Variants in CSNK1G1 observed in about 807,000 individuals in gnomAD.
CSNK1G1 encodes casein kinase I isoform gamma-1.
A neutral mutation model predicts 59.6 loss-of-function variants in CSNK1G1; 22 were observed. That is an observed-to-expected ratio of 0.37 (90% CI 0.26 to 0.53). The LOEUF is 0.53. Among genes scored for constraint, CSNK1G1 ranks in the 20% least tolerant of loss-of-function variants. CSNK1G1 has a pLI of 0.89. For synonymous variants in CSNK1G1, 179 were observed against 177.1 expected (o/e 1.01, Z -0.08); for missense variants, 384 against 519.5 (o/e 0.74, Z 2.54).
intron 2 of CSNK1G1, among the ~76,000 whole-genome samples, chr15:64,270,567 G>A (rs1893237706): frequency 6.6e-6 from 1 of 151,992 alleles, no homozygotes; most frequent in Admixed American, 6.6e-5. Flanking sequence ...AGACCATCCT[G>A]GCCAACACAG....
At chr15:64,253,248 G>A (rs1892187671) in intron 3 of CSNK1G1, among the ~76,000 whole-genome samples, 1 of 152,150 alleles carries the variant, frequency 6.6e-6, no homozygotes, top group African/African-American at 2.4e-5. Context: ...AGGAGGATGA[G>A]GTGGGAGGAT....
chr15:64,335,043 T>G (rs1404043995), intron 1 of CSNK1G1, among the ~76,000 whole-genome samples: 1 of 152,232 alleles, frequency 6.6e-6, no homozygotes, highest in Non-Finnish European at 1.5e-5. Context: ...ATTGACTTAT[T>G]TTGCAAGTAC....
intron 4 of CSNK1G1, among the ~76,000 whole-genome samples, chr15:64,218,994 A>G (rs2082350024): frequency 6.6e-6 from 1 of 151,738 alleles, no homozygotes; most frequent in Non-Finnish European, 1.5e-5. Context: ...AGCTGGGATT[A>G]CAGGTGCACA....
intron 1 of CSNK1G1, among the ~76,000 whole-genome samples, chr15:64,354,728 G>A (rs1230505684): frequency 2.6e-5 from 4 of 152,048 alleles, no homozygotes; most frequent in African/African-American, 4.8e-5. Context: ...AGGTGGTTCC[G>A]TTTAAAATGG....
At chr15:64,273,595 A>G (rs968969077) in intron 2 of CSNK1G1, among the ~76,000 whole-genome samples, 1 of 152,172 alleles carries the variant, frequency 6.6e-6, no homozygotes, top group Non-Finnish European at 1.5e-5. Flanking sequence ...TTTGGATTAC[A>G]TGTAATGTGA....
At chr15:64,184,458 C>T (rs1024228401) in intron 10 of CSNK1G1, among the ~76,000 whole-genome samples, 1 of 151,960 alleles carries the variant, frequency 6.6e-6, no homozygotes, top group African/African-American at 2.4e-5. Context: ...AGGTGGATTG[C>T]CTGAGCTCAG....
At chr15:64,273,857 A>G (rs1391055394) in intron 2 of CSNK1G1, among the ~76,000 whole-genome samples, 1 of 152,270 alleles carries the variant, frequency 6.6e-6, no homozygotes, top group African/African-American at 2.4e-5. Context: ...CTTGGTCTAA[A>G]TGATGCTCTT....
intron 2 of CSNK1G1, among the ~76,000 whole-genome samples, chr15:64,294,276 G>A (rs1016010069): frequency 1.3e-5 from 2 of 152,012 alleles, no homozygotes; most frequent in African/African-American, 4.8e-5. Context: ...GTTTCACCAT[G>A]TTGGCCAGGC....
At chr15:64,181,717 T>C in intron 10 of CSNK1G1, 1 of 311,182 alleles carries the variant, frequency 3.2e-6, no homozygotes, top group South Asian at 5.0e-5. Flanking sequence ...ATCTCTAAAA[T>C]GGGAGAACAA....
chr15:64,175,803 T>A (rs563832976), intron 11 of CSNK1G1, among the ~76,000 whole-genome samples: 1 of 152,300 alleles, frequency 6.6e-6, no homozygotes, highest in Admixed American at 6.5e-5. Context: ...AAAGTCAGAT[T>A]TTCCCAAAGC....
At chr15:64,240,323 C>A (rs1364262922) in intron 4 of CSNK1G1, among the ~76,000 whole-genome samples, 1 of 151,914 alleles carries the variant, frequency 6.6e-6, no homozygotes, top group African/African-American at 2.4e-5. Flanking sequence ...AACAAACATG[C>A]ATATTATATG....
At position 64,200,199 on chromosome 15, in the gene CSNK1G1, C is replaced by G. The variant is rs2082089878; in HGVS notation, c.1107+2883G>C. On this transcript the variant is annotated intron_variant, in intron 10 of 11. Coordinates refer to ENST00000303052, the MANE Select transcript of CSNK1G1 (RefSeq NM_022048.5). This position sits in a 1 kb window ranked among gnomAD's most constrained non-coding sequence, Gnocchi z 4.3. ...GGCGGAGGTTGCAGTGAGCCAAGAT[C>G]ATGCTCCAGCCTTGGTGATAAGAGC... Among the ~76,000 whole-genome samples the G allele has an allele frequency of 6.6e-6, 1 of 151,694 alleles. No homozygotes were observed. The highest frequency in any genetic ancestry group is 2.4e-5 in the African/African-American group (1 of 41,290).
chr15:64,183,254 T>G lies in CSNK1G1; in HGVS notation c.1108-2800A>C, dbSNP rs1463132961. On this transcript the variant is annotated intron_variant, in intron 10 of 11. Transcript: ENST00000303052. The stretch of plus-strand genomic sequence containing the variant: ...CCACTTGGGCCATAAGCACTGTCCT[T>G]GGGCAATCTAAGGAATAAGAGGTTA... Among the ~76,000 whole-genome samples the G allele has an allele frequency of 3.9e-5, 6 of 152,212 alleles. No individual in the cohort carries two copies. The East Asian group carries it at 1.2e-3, about 29-fold the overall frequency.
chr15:64,190,927 T>C (rs2081961786), intron 10 of CSNK1G1, among the ~76,000 whole-genome samples: 1 of 152,210 alleles, frequency 6.6e-6, no homozygotes, highest in South Asian at 2.1e-4. Context: ...TATTATACAG[T>C]ACTGTCAGGT....
chr15:64,255,565 G>A (rs941138624), intron 3 of CSNK1G1, among the ~76,000 whole-genome samples: 11 of 152,196 alleles, frequency 7.2e-5, no homozygotes, highest in East Asian at 3.9e-4. Context: ...CAATAACCAC[G>A]AATACTATTA....
intron 2 of CSNK1G1, among the ~76,000 whole-genome samples, chr15:64,261,121 G>A (rs1892665100): frequency 6.6e-6 from 1 of 152,078 alleles, no homozygotes. Flanking sequence ...TATATTTCAT[G>A]AAATTATAAA....
chr15:64,262,318 T>C (rs993497020), intron 2 of CSNK1G1, among the ~76,000 whole-genome samples: 2 of 152,170 alleles, frequency 1.3e-5, no homozygotes, highest in Non-Finnish European at 2.9e-5. Flanking sequence ...AATGAGTCAG[T>C]AGAAGAGCTT....
At chr15:64,289,762 C>T (rs1894634924) in intron 2 of CSNK1G1, among the ~76,000 whole-genome samples, 1 of 151,986 alleles carries the variant, frequency 6.6e-6, no homozygotes, top group Non-Finnish European at 1.5e-5. Context: ...CTTAAACAAA[C>T]AATAACAAAA....
intron 10 of CSNK1G1, among the ~76,000 whole-genome samples, chr15:64,201,705 CATGTGTGTGTGT>C (rs1169017197): frequency 3.9e-4 from 41 of 104,236 alleles, no homozygotes; most frequent in African/African-American, 1.4e-3. Flanking sequence ...CTCCATTGGA[CATGTGTGTGTGT>C]GTGTGTGTGT....
Sources: gnomAD v4.1 joint callset for allele counts (sites outside exome capture counted in the v4.1 genomes callset) on GRCh38, gnomAD v4.1.1 for gene constraint, Gnocchi (gnomAD v3.1) non-coding constraint, MANE v1.5 for transcripts, NCBI Gene and HGNC (gene_info 2026-07-23, HGNC 2026-07-21) for gene names.